Variants in USP35 observed in about 807,000 individuals in gnomAD.
The protein encoded by USP35 is ubiquitin specific peptidase 35, also known as ubiquitin carboxyl-terminal hydrolase 35.
USP35 carries 69 observed loss-of-function variants against 83.8 expected under a neutral mutation model. That is an observed-to-expected ratio of 0.82 (90% CI 0.68 to 1.01). The LOEUF (loss-of-function observed/expected upper bound fraction) is 1.01. USP35 is among the 50% of genes least tolerant of loss of function. The pLI is 0.00. For synonymous variants in USP35, 714 were observed against 589.5 expected (o/e 1.21, Z -3.06); for missense variants, 1,503 against 1,362.5 (o/e 1.10, Z -1.62).
At chr11:78,228,107 C>A in the USP35 span, among the ~76,000 whole-genome samples, 1 of 152,170 alleles carries the variant, frequency 6.6e-6, no homozygotes, top group Non-Finnish European at 1.5e-5. Context: ...TGTGTATCAC[C>A]AAGCCTCCTC....
At chr11:78,208,148 G>A (rs933773978) in intron 8 of USP35, among the ~76,000 whole-genome samples, 11 of 152,110 alleles carry the variant, frequency 7.2e-5, no homozygotes, top group Non-Finnish European at 1.5e-4. Flanking sequence ...GAAAGCAAAC[G>A]GCCTGTGATA....
At chr11:78,210,776 C>T in intron 10 of USP35, 32 bp downstream of exon 10, 1 of 1,504,086 alleles carries the variant, frequency 6.6e-7, no homozygotes. Flanking sequence ...TTGATCTGAT[C>T]TCTTGGTGGA....
In USP35 at chr11:78,213,676, G is replaced by A; in HGVS notation, c.2920G>A (p.Ala974Thr). Residue 974 changes from alanine to threonine, a missense_variant, in exon 11 of 11, where the codon GCC becomes ACC. Ala to Thr is a moderately conservative substitution (Grantham distance 58). Transcript: ENST00000529308. ...EQEKEARSRAAYISALPTSPH... is the reference protein window; with the variant it reads ...EQEKEARSRATYISALPTSPH... ...GGAGAAGGAGGCCCGGAGCAGGGCG[G>A]CCTACATCTCTGCACTCCCCACATC... The A allele has an allele frequency of 2.0e-6, 3 of 1,511,208 alleles. No homozygotes were observed. The highest frequency in any genetic ancestry group is 2.6e-6 in the Non-Finnish European group (3 of 1,137,794). The allele number at this position is 1,511,208 out of a possible 1,614,324, so 93.6% of individuals were successfully genotyped here.
rs1243978661 is a variant in USP35, at chr11:78,207,633, G to A, written c.1485+10G>A. On this transcript the variant is annotated intron_variant, in intron 8 of 10. Coordinates refer to ENST00000529308, the MANE Select transcript of USP35 (RefSeq NM_020798.4). Reference sequence around the variant, plus strand: ...CCTAGAACACAGCCAGGTGAGTGTAGGGGCAGTCAGAGGGGGGTGGAGAGG... The same window carrying A: ...CCTAGAACACAGCCAGGTGAGTGTAAGGGCAGTCAGAGGGGGGTGGAGAGG... 8 of 1,613,406 alleles carry A rather than the reference G, an allele frequency of 5.0e-6. No homozygotes were observed. The highest frequency in any genetic ancestry group is 6.8e-6 in the Non-Finnish European group (8 of 1,179,826).
At chr11:78,227,448 C>G in the USP35 span, among the ~76,000 whole-genome samples, 6 of 152,120 alleles carry the variant, frequency 3.9e-5, no homozygotes, top group African/African-American at 1.4e-4. Flanking sequence ...TGAGTCTATT[C>G]TGCCACTGTG....
rs202221376 is a variant in USP35 at position 78,210,586 on chromosome 11, T to C, written c.2731T>C (p.Ser911Pro). The change falls in exon 10 of 11, where the codon TCC becomes CCC. Residue 911 changes from serine to proline, a missense_variant. Coordinates refer to ENST00000529308, the MANE Select transcript of USP35 (RefSeq NM_020798.4). ...SSFESVSNVT[S>P]FFPKDTAYVL... is the part of the protein sequence containing the mutation. ...CTTCGAATCTGTCAGCAACGTCACC[T>C]CCTTCTTCCCTAAGGACACAGCCTA... 1.9e-6 allele frequency: 3 copies of C among 1,613,990 alleles called. No homozygotes were observed. The Admixed American group carries it at 5.0e-5, about 27-fold the overall frequency.
rs1863621406 is a variant in USP35 at position 78,208,880 on chromosome 11, C to T, written c.1509C>T (p.Asn503=). The T allele has an allele frequency of 4.3e-6, 7 of 1,614,242 alleles. No individual in the cohort carries two copies. The highest frequency in any genetic ancestry group is 5.9e-6 in the Non-Finnish European group (7 of 1,180,040). Residue 503 remains asparagine, a synonymous_variant, in exon 9 of 11, where the codon AAC becomes AAT. Coordinates refer to ENST00000529308, the MANE Select transcript of USP35 (RefSeq NM_020798.4). The part of the protein sequence containing the change: ...HSQRPAISPE[N]FLSASWTPWF... ...AGCGGCCTGCCATTTCCCCAGAGAA[C>T]TTCCTCTCCGCATCCTGGACGCCCT...
rs116771780 is a variant in USP35 at position 78,203,379 on chromosome 11, G to C, written c.1198-2463G>C. 7.8e-3 allele frequency among the ~76,000 whole-genome samples: 1,193 copies of C among 152,172 alleles called. 12 individuals are homozygous for C. Among genetic ancestry groups the C allele is most frequent in the African/African-American group, 0.027 (1,127 of 41,496 alleles). On this transcript the variant is annotated intron_variant, in intron 6 of 10. Coordinates refer to ENST00000529308, the MANE Select transcript of USP35 (RefSeq NM_020798.4). ...GGAAGGGAGATCAGAAAAATCAGCA[G>C]AGCAGTGCCTTGAAAACTAGGTTGC...
At chr11:78,233,040 G>GTTTTTT in the USP35 span, among the ~76,000 whole-genome samples, 5 of 131,984 alleles carry the variant, frequency 3.8e-5, no homozygotes, top group Non-Finnish European at 3.1e-5. Flanking sequence ...GCACTGTTAA[G>GTTTTTT]TTTTTTTTTT....
intron 3 of USP35, 25 bp from the exon 4 acceptor site, chr11:78,199,570 G>A (rs1264536300): frequency 1.9e-6 from 3 of 1,613,964 alleles, no homozygotes; most frequent in African/African-American, 2.7e-5. Flanking sequence ...CCTTGTCCCT[G>A]TGTCACTGTC....
At chr11:78,232,746 G>A in the USP35 span, among the ~76,000 whole-genome samples, 2 of 152,008 alleles carry the variant, frequency 1.3e-5, no homozygotes, top group Non-Finnish European at 2.9e-5. Flanking sequence ...CCACATAAAT[G>A]AAAAAAGAGA....
the USP35 span, among the ~76,000 whole-genome samples, chr11:78,235,393 C>A: frequency 6.6e-6 from 1 of 152,074 alleles, no homozygotes; most frequent in African/African-American, 2.4e-5. Context: ...ACCTTGAGAT[C>A]CGCCCACCTC....
chr11:78,200,286 G>C, intron 5 of USP35, 52 bp downstream of exon 5: 2 of 1,564,832 alleles, frequency 1.3e-6, no homozygotes, highest in Non-Finnish European at 8.8e-7. Context: ...GCTGCCCCTG[G>C]TAAGGGCCCT....
the USP35 span, chr11:78,223,273 T>C: frequency 3.1e-6 from 2 of 638,060 alleles, no homozygotes; most frequent in Non-Finnish European, 5.0e-6. Context: ...ATTTCACAGA[T>C]AAGAAAACTG....
chr11:78,197,910 A>G, intron 2 of USP35, 26 bp from the exon 3 acceptor site: 1 of 1,610,730 alleles, frequency 6.2e-7, no homozygotes, highest in Non-Finnish European at 8.5e-7. Context: ...CCTCCCTGCT[A>G]AGCTCAGCCC....
chr11:78,214,861 T>TAAGTA lies in USP35; in HGVS notation c.*1051_*1055dup, dbSNP rs1864035893. Reference sequence around the variant, plus strand: ...CTACTGAATCTACTGAAGTGGGGTGTAAGTAAACGTGTGGACTGACTGACT... The same window carrying TAAGTA: ...CTACTGAATCTACTGAAGTGGGGTGTAAGTAAAGTAAACGTGTGGACTGACTGACT... On this transcript the variant is annotated 3_prime_UTR_variant, in exon 11 of 11. Transcript: ENST00000529308. The TAAGTA allele has an allele frequency of 6.8e-6, 1 of 147,528 alleles. No individual in the cohort carries two copies. The highest frequency in any genetic ancestry group is 6.8e-5 in the Admixed American group (1 of 14,758). The allele number at this position is 147,528 out of a possible 1,614,324, so 9.1% of individuals were successfully genotyped here. A position where few individuals can be genotyped will look rare whatever the true frequency, so the allele number is the denominator to read the frequency against.
In USP35 at chr11:78,213,830, A is replaced by C. The variant is rs1863923981; in HGVS notation, c.*17A>C. 3 of 1,539,280 alleles carry C rather than the reference A, an allele frequency of 1.9e-6. No homozygotes were observed. Among genetic ancestry groups the C allele is most frequent in the Admixed American group, 4.7e-5 (2 of 42,372 alleles). ...GTCTTCTAATGTGAACCTGCTGCCAACCTGACCCCTTCCCTCCAGGAGCCA... is the reference window on the plus strand; with the variant it reads ...GTCTTCTAATGTGAACCTGCTGCCACCCTGACCCCTTCCCTCCAGGAGCCA... On this transcript the variant is annotated 3_prime_UTR_variant, in exon 11 of 11. Coordinates refer to ENST00000529308, the MANE Select transcript of USP35 (RefSeq NM_020798.4).
the USP35 span, among the ~76,000 whole-genome samples, chr11:78,224,822 A>G: frequency 4.0e-3 from 606 of 152,150 alleles, 3 homozygotes; most frequent in African/African-American, 0.014. Context: ...AGGTTCCCCC[A>G]CCGTGCAGCC....
chr11:78,200,324 C>A, intron 5 of USP35, 90 bp downstream of exon 5: 1 of 1,447,606 alleles, frequency 6.9e-7, no homozygotes, highest in Non-Finnish European at 9.6e-7. Context: ...AGGGCCCTGC[C>A]TGCTGACCCT....
Sources: gnomAD v4.1 joint callset for allele counts (sites outside exome capture counted in the v4.1 genomes callset) on GRCh38, gnomAD v4.1.1 for gene constraint, MANE v1.5 for transcripts, NCBI Gene and HGNC (gene_info 2026-07-23, HGNC 2026-07-21) for gene names.